RSRP1: variants seen among roughly 807,000 people sequenced by gnomAD.
RSRP1 encodes arginine/serine-rich protein 1.
A neutral mutation model predicts 33.0 loss-of-function variants in RSRP1; 37 were observed. The observed-to-expected ratio is 1.12, with a 90% CI of 0.86 to 1.48. The LOEUF (loss-of-function observed/expected upper bound fraction) is 1.48, where lower values mean the gene tolerates loss of function less well. Among genes scored for constraint, RSRP1 ranks in the 40% most tolerant of loss-of-function variants. RSRP1 has a pLI of 0.00. For synonymous variants in RSRP1, 167 were observed against 158.7 expected (o/e 1.05, Z -0.40); for missense variants, 402 against 385.3 (o/e 1.04, Z -0.36).
intron 1 of RSRP1, among the ~76,000 whole-genome samples, chr1:25,331,734 A>ATTT (rs71014355): frequency 4.6e-5 from 2 of 43,190 alleles, no homozygotes; most frequent in African/African-American, 1.3e-4. Flanking sequence ...TGCCCAGCTA[A>ATTT]TTTTTTTTTT....
rs568519152 is a variant in RSRP1, at chr1:25,261,431, G to A, written c.-66-14402C>T. ...CTTTTTTTTTTTTTTTTGAGACAGA[G>A]TCTCACTCTGTCACCCAGGCTGGAG... On this transcript the variant is annotated intron_variant, in intron 1 of 1. Transcript: ENST00000561867. Among the ~76,000 whole-genome samples the A allele has an allele frequency of 3.7e-4, 55 of 147,844 alleles. 1 individual carries two copies. Among genetic ancestry groups the A allele is most frequent in the African/African-American group, 1.2e-3 (50 of 40,160 alleles).
At chr1:25,301,616 C>T (rs763237896) in intron 1 of RSRP1, 1 of 1,380,244 alleles carries the variant, frequency 7.2e-7, no homozygotes, top group South Asian at 1.2e-5. Context: ...ACCTACTATG[C>T]TGTAGCAGTC....
At position 25,302,999 on chromosome 1, in the gene RSRP1, A is replaced by T. The variant is rs181075961; in HGVS notation, c.-67+34979T>A. 4.7e-3 allele frequency among the ~76,000 whole-genome samples: 610 copies of T among 130,266 alleles called. 85 individuals are homozygous for T. The highest frequency in any genetic ancestry group is 0.015 in the African/African-American group (551 of 37,862). The allele number at this position is 130,266 out of a possible 152,430, so 85.5% of individuals were successfully genotyped here. ...TCTCTAAAAAATAAAACAAAAACCC[A>T]TTCTTCCCGCTGCCCAGGGACACAC... is the stretch of plus-strand genomic sequence containing the variant. On this transcript the variant is annotated intron_variant, in intron 1 of 1. Coordinates refer to the RSRP1 transcript ENST00000561867.
Position 25,300,172 on chromosome 1 carries a change from G to A in RSRP1, c.-67+37806C>T, listed in dbSNP as rs1407212009. ...TGAGAAGTAGGAATCAGTGAGGTGC[G>A]TGTCCATGTGGGTTTTTGCCACACC... On this transcript the variant is annotated intron_variant, in intron 1 of 1. Transcript: ENST00000561867. Among the ~76,000 whole-genome samples the A allele has an allele frequency of 3.0e-5, 4 of 131,256 alleles. 1 individual carries two copies. Among genetic ancestry groups the A allele is most frequent in the Admixed American group, 2.2e-4 (3 of 13,424 alleles). The allele number at this position is 131,256 out of a possible 152,430, so 86.1% of individuals were successfully genotyped here.
At position 25,312,535 on chromosome 1, in the gene RSRP1, A is replaced by T. The variant is rs1265607367; in HGVS notation, c.-67+25443T>A. Among the ~76,000 whole-genome samples the T allele has an allele frequency of 3.1e-5, 4 of 130,734 alleles. No individual in the cohort carries two copies. In the East Asian group the frequency reaches 7.8e-4, roughly 26 times the overall value. The allele number at this position is 130,734 out of a possible 152,430, so 85.8% of individuals were successfully genotyped here. A position where few individuals can be genotyped will look rare whatever the true frequency, so the allele number is the denominator to read the frequency against. On this transcript the variant is annotated intron_variant, in intron 1 of 1. Transcript: ENST00000561867. Reference sequence around the variant, plus strand: ...TGAGGTGGGAGGATTGCTTGAGCCCAGGAGCTCAAGACCAGCCTGGGCAAC... The same window carrying T: ...TGAGGTGGGAGGATTGCTTGAGCCCTGGAGCTCAAGACCAGCCTGGGCAAC...
Position 25,290,800 on chromosome 1 carries a change from T to C in RSRP1, c.-66-43771A>G, listed in dbSNP as rs113795383. On this transcript the variant is annotated intron_variant, in intron 1 of 1. Coordinates refer to the RSRP1 transcript ENST00000561867. ...TCAGTAATATCTTCAACGTGAGTCA[T>C]GGTGCTGGGAGGAGGGACCTGGGAG... The C allele has an allele frequency of 3.2e-3, 4,402 of 1,374,792 alleles. 627 individuals are homozygous for C. In the African/African-American group the frequency reaches 0.052, roughly 16 times the overall value. 85.2% of individuals were successfully genotyped at this position (1,374,792 alleles called of 1,614,324 possible).
Position 25,246,979 on chromosome 1 carries a change from T to C in RSRP1, c.-16A>G. On this transcript the variant is annotated 5_prime_UTR_variant, in exon 2 of 5. Coordinates refer to ENST00000243189, the MANE Select transcript of RSRP1 (RefSeq NM_020317.5). ...AGTTGGACATCTTCACCTGCGGCTTTAGCCTGCGCTTTCTCCGGAAAGGAT... is the reference window on the plus strand; with the variant it reads ...AGTTGGACATCTTCACCTGCGGCTTCAGCCTGCGCTTTCTCCGGAAAGGAT... 2 of 1,539,822 alleles carry C rather than the reference T, an allele frequency of 1.3e-6. No individual in the cohort carries two copies. The highest frequency in any genetic ancestry group is 1.8e-6 in the Non-Finnish European group (2 of 1,141,666).
intron 1 of RSRP1, among the ~76,000 whole-genome samples, chr1:25,264,441 A>G (rs1406390316): frequency 2.0e-5 from 3 of 149,128 alleles, no homozygotes; most frequent in Non-Finnish European, 3.0e-5. Context: ...TGGGGCTTGC[A>G]CTCCCCGAAG....
chr1:25,306,996 C>CA, intron 1 of RSRP1: 1 of 407,598 alleles, frequency 2.5e-6, no homozygotes, highest in Non-Finnish European at 5.1e-6. Context: ...CCCACAAACA[C>CA]AGAGCAGGTC....
At position 25,307,816 on chromosome 1, in the gene RSRP1, G is replaced by A. The variant is rs1643932020; in HGVS notation, c.-67+30162C>T. The stretch of plus-strand genomic sequence containing the variant: ...AAATTATAGGGATCACATATCAGTG[G>A]GTGAGACATCCTTGCTTGGGATGAG... On this transcript the variant is annotated intron_variant, in intron 1 of 1. Coordinates refer to the RSRP1 transcript ENST00000561867. 5.4e-6 allele frequency: 7 copies of A among 1,302,346 alleles called. 2 individuals are homozygous for A. Among genetic ancestry groups the A allele is most frequent in the African/African-American group, 4.4e-5 (3 of 68,170 alleles). 80.7% of individuals were successfully genotyped at this position (1,302,346 alleles called of 1,614,324 possible).
At chr1:25,266,613 A>C (rs1640318537) in intron 1 of RSRP1, 1 of 129,138 alleles carries the variant, frequency 7.7e-6, no homozygotes, top group Non-Finnish European at 1.8e-5. Flanking sequence ...CCATCAAAGG[A>C]AACAACAGTC....
chr1:25,253,057 T>C (rs1435368408), intron 1 of RSRP1: 3 of 151,498 alleles, frequency 2.0e-5, no homozygotes, highest in Admixed American at 1.3e-4. Flanking sequence ...TCAAGTCCAA[T>C]TGAGTTCAAA....
intron 4 of RSRP1, 90 bp from the exon 5 acceptor site, chr1:25,242,795 G>A: frequency 2.2e-6 from 2 of 909,422 alleles, no homozygotes; most frequent in Non-Finnish European, 3.4e-6. Flanking sequence ...CCATGTATGA[G>A]CCTTAGAGAT....
chr1:25,281,453 T>G lies in RSRP1; in HGVS notation c.-66-34424A>C, dbSNP rs567142479. On this transcript the variant is annotated intron_variant, in intron 1 of 1. Coordinates refer to the RSRP1 transcript ENST00000561867. Reference sequence around the variant, plus strand: ...CTATGCATATAGCATTGCTACAAAATGGCAGATGCACTTTAACAATCGTGT... The same window carrying G: ...CTATGCATATAGCATTGCTACAAAAGGGCAGATGCACTTTAACAATCGTGT... Among the ~76,000 whole-genome samples the G allele has an allele frequency of 3.8e-5, 5 of 132,314 alleles. No homozygotes were observed. The East Asian group carries it at 7.8e-4, about 21-fold the overall frequency. The allele number at this position is 132,314 out of a possible 152,430, so 86.8% of individuals were successfully genotyped here. A position where few individuals can be genotyped will look rare whatever the true frequency, so the allele number is the denominator to read the frequency against.
Position 25,289,186 on chromosome 1 carries a change from C to T in RSRP1, c.-66-42157G>A, listed in dbSNP as rs1294194364. Among the ~76,000 whole-genome samples, 4 of 132,166 alleles carry T rather than the reference C, an allele frequency of 3.0e-5. 1 individual carries two copies. Among genetic ancestry groups the T allele is most frequent in the African/African-American group, 1.0e-4 (4 of 38,674 alleles). 86.7% of individuals were successfully genotyped at this position (132,166 alleles called of 152,430 possible). ...TGAATGGTGAGCTAGCACGATTTTACAGAGAGTGAATTTTTTTTGTGTGTG... is the reference window on the plus strand; with the variant it reads ...TGAATGGTGAGCTAGCACGATTTTATAGAGAGTGAATTTTTTTTGTGTGTG... On this transcript the variant is annotated intron_variant, in intron 1 of 1. Coordinates refer to the RSRP1 transcript ENST00000561867.
chr1:25,324,636 A>G (rs1296322230), intron 1 of RSRP1, among the ~76,000 whole-genome samples: 690 of 148,196 alleles, frequency 4.7e-3, no homozygotes, highest in African/African-American at 0.017. Context: ...TTAGCCAACC[A>G]CAAGGGAATG....
intron 1 of RSRP1, among the ~76,000 whole-genome samples, chr1:25,261,597 G>C (rs28547993): frequency 0.017 from 2,570 of 151,772 alleles, 67 homozygotes; most frequent in African/African-American, 0.058. Context: ...GTAGAGACGG[G>C]GTTTCACCAT....
intron 1 of RSRP1, among the ~76,000 whole-genome samples, chr1:25,254,477 C>G (rs1340280267): frequency 6.6e-6 from 1 of 151,320 alleles, no homozygotes; most frequent in Non-Finnish European, 1.5e-5. Flanking sequence ...ACTCTGTCGC[C>G]CCGGCTGGAG....
chr1:25,311,577 G>T (rs1644151551), intron 1 of RSRP1, among the ~76,000 whole-genome samples: 1 of 129,960 alleles, frequency 7.7e-6, no homozygotes, highest in Non-Finnish European at 1.8e-5. Flanking sequence ...AACAAAGCCA[G>T]AGGCTGTTCA....
Sources: allele counts gnomAD v4.1 joint callset (sites outside exome capture counted in the v4.1 genomes callset), GRCh38; gene constraint gnomAD v4.1.1; transcripts MANE v1.5; gene names NCBI Gene and HGNC (gene_info 2026-07-23, HGNC 2026-07-21).